Variants in RNF111 observed in about 807,000 individuals in gnomAD.
The protein encoded by RNF111 is E3 ubiquitin-protein ligase Arkadia.
A neutral mutation model predicts 95.1 loss-of-function variants in RNF111; 17 were observed. That is an observed-to-expected ratio of 0.18 (90% CI 0.12 to 0.27). The LOEUF is 0.27. Among genes scored for constraint, RNF111 ranks in the 10% least tolerant of loss-of-function variants. RNF111 has a pLI of 1.00. For missense variants in RNF111, 1,189 were observed against 1,210.4 expected, an observed-to-expected ratio of 0.98 and a Z score of 0.26; for synonymous variants, 440 against 414.8, an observed-to-expected ratio of 1.06 and a Z score of -0.74.
intron 2 of RNF111, among the ~76,000 whole-genome samples, chr15:59,042,060 T>A (rs2041485794): frequency 6.6e-6 from 1 of 151,744 alleles, no homozygotes; most frequent in Non-Finnish European, 1.5e-5. Flanking sequence ...ATGTAAGTCC[T>A]ATATAATACA....
At chr15:59,056,793 G>GATTA (rs779848133) in intron 4 of RNF111, among the ~76,000 whole-genome samples, 1 of 152,118 alleles carries the variant, frequency 6.6e-6, no homozygotes, top group Admixed American at 6.6e-5. Context: ...ATGTAATAGG[G>GATTA]ATTAATTAAT....
chr15:59,039,928 C>T (rs911451741), intron 2 of RNF111, among the ~76,000 whole-genome samples: 1 of 151,838 alleles, frequency 6.6e-6, no homozygotes, highest in African/African-American at 2.4e-5. Flanking sequence ...TGTTGGCCAG[C>T]ATGGTCTCGA....
intron 1 of RNF111, among the ~76,000 whole-genome samples, chr15:58,990,603 T>C (rs1333143154): frequency 6.6e-6 from 1 of 152,114 alleles, no homozygotes; most frequent in Non-Finnish European, 1.5e-5. Context: ...TAAGCGGAGA[T>C]CGTGCCACTC....
intron 1 of RNF111, among the ~76,000 whole-genome samples, chr15:59,028,534 AC>A (rs2040740107): frequency 6.6e-6 from 1 of 152,188 alleles, no homozygotes; most frequent in African/African-American, 2.4e-5. Flanking sequence ...AGTGTGAGTA[AC>A]TGAAGCTGTG....
intron 1 of RNF111, among the ~76,000 whole-genome samples, chr15:58,994,456 T>C (rs2038957402): frequency 1.3e-5 from 2 of 150,430 alleles, no homozygotes; most frequent in South Asian, 4.2e-4. Context: ...TCACTCTTGC[T>C]TTCTTATTTT....
At chr15:59,062,824 C>T (rs1187005137) in intron 5 of RNF111, among the ~76,000 whole-genome samples, 1 of 152,154 alleles carries the variant, frequency 6.6e-6, no homozygotes, top group Non-Finnish European at 1.5e-5. Flanking sequence ...ATTTCTCAAC[C>T]TTGGCACTAC....
chr15:59,096,313 A>G lies in RNF111; in HGVS notation c.*1413A>G. On this transcript the variant is annotated 3_prime_UTR_variant, in exon 14 of 14. Coordinates refer to ENST00000348370, the MANE Select transcript of RNF111 (RefSeq NM_017610.8). Reference sequence around the variant, plus strand: ...GCAAATGCATCCAGTCAGTAATATCACTGTCTGTATGTGGAGGACATGTTC... The same window carrying G: ...GCAAATGCATCCAGTCAGTAATATCGCTGTCTGTATGTGGAGGACATGTTC... The G allele has an allele frequency of 2.7e-6, 1 of 366,360 alleles. No individual in the cohort carries two copies. Among genetic ancestry groups the G allele is most frequent in the East Asian group, 3.9e-5 (1 of 25,416 alleles). 22.7% of individuals were successfully genotyped at this position (366,360 alleles called of 1,614,324 possible).
At chr15:59,070,034 T>C (rs2042845445) in intron 6 of RNF111, among the ~76,000 whole-genome samples, 1 of 84,572 alleles carries the variant, frequency 1.2e-5, no homozygotes. Flanking sequence ...TCCTGCTTTT[T>C]TTTTTTTTTT....
At chr15:59,048,759 C>T (rs1410210400) in intron 2 of RNF111, among the ~76,000 whole-genome samples, 1 of 152,100 alleles carries the variant, frequency 6.6e-6, no homozygotes, top group South Asian at 2.1e-4. Flanking sequence ...ACCATTTTAA[C>T]TATTTTTAAG....
chr15:59,007,649 T>A (rs2141504152), intron 1 of RNF111, among the ~76,000 whole-genome samples: 1 of 152,312 alleles, frequency 6.6e-6, no homozygotes, highest in East Asian at 1.9e-4. Flanking sequence ...GAGTTCCAGT[T>A]GTGGAATATC....
At chr15:59,069,190 G>T (rs1173915280) in intron 6 of RNF111, among the ~76,000 whole-genome samples, 1 of 152,086 alleles carries the variant, frequency 6.6e-6, no homozygotes, top group Non-Finnish European at 1.5e-5. Context: ...TGTCATTTCG[G>T]TTTTGGTAAC....
chr15:59,014,381 C>A (rs1484933639), intron 1 of RNF111, among the ~76,000 whole-genome samples: 2 of 152,178 alleles, frequency 1.3e-5, no homozygotes, highest in Non-Finnish European at 2.9e-5. Context: ...CTTTTTGACT[C>A]CTCAGTTCCT....
intron 2 of RNF111, among the ~76,000 whole-genome samples, chr15:59,040,267 A>G (rs544059768): frequency 8.5e-5 from 13 of 152,058 alleles, no homozygotes; most frequent in African/African-American, 2.9e-4. Context: ...AGCACATGCC[A>G]TCTTGCTCCA....
chr15:59,072,852 T>C (rs1313044726), intron 6 of RNF111, among the ~76,000 whole-genome samples: 25 of 150,340 alleles, frequency 1.7e-4, no homozygotes, highest in Admixed American at 1.1e-3. Flanking sequence ...GTTTAAATGA[T>C]GTGTCTGGGG....
chr15:58,993,852 G>C (rs2038926584), intron 1 of RNF111, among the ~76,000 whole-genome samples: 1 of 151,802 alleles, frequency 6.6e-6, no homozygotes, highest in African/African-American at 2.4e-5. Flanking sequence ...GTATGTGATT[G>C]GATTCTTAAA....
intron 1 of RNF111, among the ~76,000 whole-genome samples, chr15:59,013,206 A>G (rs1181023043): frequency 1.3e-5 from 2 of 152,174 alleles, no homozygotes; most frequent in African/African-American, 4.8e-5. Context: ...TTTATTTTGC[A>G]GTAGTTTTAC....
chr15:59,095,740 A>G lies in RNF111; in HGVS notation c.*840A>G. 3.0e-6 allele frequency: 1 copy of G among 334,454 alleles called. No homozygotes were observed. The highest frequency in any genetic ancestry group is 5.4e-6 in the Non-Finnish European group (1 of 186,488). 20.7% of individuals were successfully genotyped at this position (334,454 alleles called of 1,614,324 possible). The stretch of plus-strand genomic sequence containing the variant: ...TGTACATACTTGCAGATTTAACAAA[A>G]TTTTAGGGAAATTGAAAAAGACATG... On this transcript the variant is annotated 3_prime_UTR_variant, in exon 14 of 14. Transcript: ENST00000348370.
intron 1 of RNF111, among the ~76,000 whole-genome samples, chr15:58,998,420 A>G (rs1221378877): frequency 6.6e-6 from 1 of 152,104 alleles, no homozygotes; most frequent in African/African-American, 2.4e-5. Flanking sequence ...ACTCTGAAAG[A>G]TTACAGTGAG....
chr15:59,067,805 C>T (rs2042731988), intron 6 of RNF111, among the ~76,000 whole-genome samples: 1 of 152,124 alleles, frequency 6.6e-6, no homozygotes, highest in South Asian at 2.1e-4. Flanking sequence ...TCCCCTTTTA[C>T]CTCCTACTGT....
Sources: allele counts gnomAD v4.1 joint callset (sites outside exome capture counted in the v4.1 genomes callset), GRCh38; gene constraint gnomAD v4.1.1; transcripts MANE v1.5; gene names NCBI Gene and HGNC (gene_info 2026-07-23, HGNC 2026-07-21).